A2ML1: variants seen among roughly 807,000 people sequenced by gnomAD.
A2ML1 encodes the protein alpha-2-macroglobulin like 1.
Under a neutral mutation model 181.9 loss-of-function variants are expected in A2ML1, and 161 were observed. The observed-to-expected ratio is 0.89, with a 90% CI of 0.78 to 1.01. A2ML1 has a LOEUF of 1.01. Among genes scored for constraint, A2ML1 ranks in the 50% least tolerant of loss-of-function variants. The probability of loss-of-function intolerance (pLI) is 0.00; values close to 1 mark genes in which losing one functional copy is unlikely to be tolerated. For synonymous variants in A2ML1, 663 were observed against 666.8 expected (o/e 0.99, Z 0.09); for missense variants, 1,670 against 1,768.1 (o/e 0.94, Z 1.00).
In A2ML1 at chr12:8,857,315, T is replaced by A; in HGVS notation, c.3000T>A (p.Ser1000=). ...KAGLLTEEIR[S]RAVGFLEIGY... ...GGCTGCTGACGGAGGAGATCAGGTC[T>A]CGGGCAGTGGGTTTCCTGGAAATAG... Residue 1000 remains serine, a synonymous_variant, in exon 24 of 36, where the codon TCT becomes TCA. Coordinates refer to ENST00000299698, the MANE Select transcript of A2ML1 (RefSeq NM_144670.6). The A allele has an allele frequency of 6.2e-7, 1 of 1,614,080 alleles. No individual in the cohort carries two copies. The highest frequency in any genetic ancestry group is 8.5e-7 in the Non-Finnish European group (1 of 1,180,022).
Position 8,869,165 on chromosome 12 carries a change from G to A in A2ML1, c.4183G>A (p.Glu1395Lys), listed in dbSNP as rs369978459. The A allele has an allele frequency of 5.6e-6, 9 of 1,613,948 alleles. No homozygotes were observed. The African/African-American group carries it at 9.3e-5, about 17-fold the overall frequency. ...LLQQPLVKKV[E>K]FGTDTLNIYL... ...CCAGCAACCCCTGGTGAAGAAGGTT[G>A]AATTTGGAACTGACACACTTAACAT... Residue 1395 changes from glutamate to lysine, a missense_variant, in exon 33 of 36, where the codon GAA (glutamate) becomes AAA (lysine). Transcript: ENST00000299698.
chr12:8,823,661 C>CA, intron 2 of A2ML1, 59 bp from the exon 3 acceptor site: 3 of 1,562,120 alleles, frequency 1.9e-6, no homozygotes, highest in Non-Finnish European at 2.6e-6. Context: ...GGGTTGAGAC[C>CA]AGTTGATTCT....
At position 8,845,090 on chromosome 12, in the gene A2ML1, A is replaced by G. The variant is rs1324988461; in HGVS notation, c.1477-352A>G. On this transcript the variant is annotated intron_variant, in intron 12 of 35. Coordinates refer to ENST00000299698, the MANE Select transcript of A2ML1 (RefSeq NM_144670.6). ...CTGTAATTAAAAAACACTTATGAGG[A>G]TAGATTTTCGCTGACTTTCTGTTAC... 34 of 1,446,656 alleles carry G rather than the reference A, an allele frequency of 2.4e-5. 1 individual carries two copies. Among genetic ancestry groups the G allele is most frequent in the Middle Eastern group, 3.7e-4 (2 of 5,432 alleles). The allele number at this position is 1,446,656 out of a possible 1,614,324, so 89.6% of individuals were successfully genotyped here. A position where few individuals can be genotyped will look rare whatever the true frequency, so the allele number is the denominator to read the frequency against.
At chr12:8,879,491 CA>C (rs1044526308), downstream of A2ML1, among the ~76,000 whole-genome samples, 110 of 140,786 alleles carry the variant, frequency 7.8e-4, no homozygotes, top group Admixed American at 7.9e-4. Flanking sequence ...ACTTGGTGTC[CA>C]AAAAAAAAAA....
At chr12:8,860,065 G>A (rs886441885) in intron 26 of A2ML1, among the ~76,000 whole-genome samples, 1 of 151,976 alleles carries the variant, frequency 6.6e-6, no homozygotes, top group Non-Finnish European at 1.5e-5. Flanking sequence ...TTTTGAGACA[G>A]GGTCTCACTC....
chr12:8,845,558 C>A, intron 13 of A2ML1, 56 bp downstream of exon 13: 1 of 1,597,416 alleles, frequency 6.3e-7, no homozygotes, highest in Non-Finnish European at 8.6e-7. Flanking sequence ...TTCCAGAAAA[C>A]AATTCTTGGC....
intron 15 of A2ML1, 89 bp from the exon 16 acceptor site, chr12:8,848,630 AG>A (rs1447750212): frequency 1.1e-6 from 1 of 943,844 alleles, no homozygotes; most frequent in East Asian, 2.7e-5. Flanking sequence ...ATGATACAGG[AG>A]TAGTGAACTG....
intron 32 of A2ML1, 25 bp from the exon 33 acceptor site, chr12:8,869,109 CT>C (rs755886244): frequency 9.9e-6 from 16 of 1,611,258 alleles, no homozygotes; most frequent in South Asian, 2.2e-5. Context: ...CTCTTAGTAT[CT>C]TTTTTTTCTC....
chr12:8,847,098 C>CTTTT (rs1212257948), intron 14 of A2ML1, among the ~76,000 whole-genome samples: 15 of 93,258 alleles, frequency 1.6e-4, no homozygotes, highest in African/African-American at 2.7e-4. Flanking sequence ...CCATGCCTGG[C>CTTTT]TTTTTTTTTT....
chr12:8,841,323 C>T (rs772138860), intron 10 of A2ML1, 46 bp from the exon 11 acceptor site: 2 of 1,574,816 alleles, frequency 1.3e-6, no homozygotes, highest in Non-Finnish European at 1.7e-6. Context: ...CATACTCAAG[C>T]TTACTCCAAA....
chr12:8,881,191 C>A (rs761398800), downstream of A2ML1, among the ~76,000 whole-genome samples: 2 of 151,904 alleles, frequency 1.3e-5, no homozygotes, highest in African/African-American at 2.4e-5. Context: ...CAAATGAAAC[C>A]GAGAAAAGAC....
chr12:8,863,199 C>T (rs1592149776), intron 28 of A2ML1, among the ~76,000 whole-genome samples: 1 of 151,850 alleles, frequency 6.6e-6, no homozygotes, highest in African/African-American at 2.4e-5. Context: ...CTCCACCTCC[C>T]GGGTTCAAAT....
At chr12:8,847,724 G>A (rs1943744168) in intron 15 of A2ML1, 26 bp downstream of exon 15, 2 of 1,596,916 alleles carry the variant, frequency 1.3e-6, no homozygotes, top group African/African-American at 1.3e-5. Flanking sequence ...CTGACAGAGT[G>A]GGAGGAGGGA....
intron 3 of A2ML1, 79 bp downstream of exon 3, chr12:8,823,961 T>C (rs1053048672): frequency 2.0e-6 from 3 of 1,491,220 alleles, no homozygotes; most frequent in Non-Finnish European, 2.7e-6. Context: ...ATTTGTGGTT[T>C]GACAGTAGGC....
chr12:8,883,594 C>A (rs1353532323), intron 7 of A2ML1, among the ~76,000 whole-genome samples: 1 of 151,898 alleles, frequency 6.6e-6, no homozygotes, highest in Non-Finnish European at 1.5e-5. Flanking sequence ...TCTCCTGCCT[C>A]AGCCTCCCAA....
chr12:8,850,894 A>G lies in A2ML1; in HGVS notation c.2234+620A>G, dbSNP rs748719260. Among the ~76,000 whole-genome samples the G allele has an allele frequency of 6.0e-4, 91 of 152,046 alleles. 1 individual carries two copies. The highest frequency in any genetic ancestry group is 1.6e-4 in the Non-Finnish European group (11 of 67,992). On this transcript the variant is annotated intron_variant, in intron 18 of 35. Coordinates refer to ENST00000299698, the MANE Select transcript of A2ML1 (RefSeq NM_144670.6). ...GCTGGGACTATAGGCACATGCCACCACACCTGGCTAAGTTTTGTATTTTTA... is the reference window on the plus strand; with the variant it reads ...GCTGGGACTATAGGCACATGCCACCGCACCTGGCTAAGTTTTGTATTTTTA...
Position 8,861,300 on chromosome 12 carries a change from A to G in A2ML1, c.3502+3A>G, listed in dbSNP as rs1178606188. 2 of 1,613,758 alleles carry G rather than the reference A, an allele frequency of 1.2e-6. No individual in the cohort carries two copies. Among genetic ancestry groups the G allele is most frequent in the African/African-American group, 1.3e-5 (1 of 74,874 alleles). On this transcript the variant is annotated splice_donor_region_variant and intron_variant, in intron 28 of 35. Transcript: ENST00000299698. Reference sequence around the variant, plus strand: ...AGATCAACAGGCTATCATCTCAGGTATGTTGGTCCTGTTGAGAGTTCTTTG... The same window carrying G: ...AGATCAACAGGCTATCATCTCAGGTGTGTTGGTCCTGTTGAGAGTTCTTTG...
At chr12:8,837,641 G>A in intron 8 of A2ML1, 75 bp downstream of exon 8, 1 of 1,476,616 alleles carries the variant, frequency 6.8e-7, no homozygotes, top group South Asian at 1.3e-5. Context: ...CAGCACTTTG[G>A]GAGGCCGAGA....
chr12:8,853,923 C>A (rs1421066153), intron 20 of A2ML1, among the ~76,000 whole-genome samples: 1 of 152,130 alleles, frequency 6.6e-6, no homozygotes, highest in African/African-American at 2.4e-5. Context: ...TAGAGGTTAC[C>A]TACCACACTG....
Sources: gnomAD v4.1 joint callset for allele counts (sites outside exome capture counted in the v4.1 genomes callset) on GRCh38, gnomAD v4.1.1 for gene constraint, MANE v1.5 for transcripts, NCBI Gene and HGNC (gene_info 2026-07-23, HGNC 2026-07-21) for gene names.